HCN1: variants seen among roughly 807,000 people sequenced by gnomAD.
HCN1 encodes hyperpolarization activated cyclic nucleotide gated potassium channel 1.
Under a neutral mutation model 78.9 loss-of-function variants are expected in HCN1, and 13 were observed. The ratio of observed to expected loss-of-function variants is 0.16; its 90% CI spans 0.11 to 0.26. The LOEUF is 0.26. HCN1 is among the 10% of genes least tolerant of loss of function. The pLI is 1.00. For synonymous variants in HCN1, 552 were observed against 455.5 expected (o/e 1.21, Z -2.70); for missense variants, 810 against 1,154.3 (o/e 0.70, Z 4.32).
At chr5:45,274,191 G>A (rs1435954853) in intron 6 of HCN1, among the ~76,000 whole-genome samples, 1 of 151,998 alleles carries the variant, frequency 6.6e-6, no homozygotes, top group Non-Finnish European at 1.5e-5. Context: ...ATTTTACTAA[G>A]GGTATAACTA....
intron 2 of HCN1, among the ~76,000 whole-genome samples, chr5:45,492,417 A>G (rs1229420925): frequency 6.9e-6 from 1 of 145,520 alleles, no homozygotes; most frequent in African/African-American, 2.5e-5. Flanking sequence ...ATATATATAT[A>G]TATATAAAAT....
chr5:45,307,896 G>C (rs1439815050), intron 5 of HCN1, among the ~76,000 whole-genome samples: 2 of 152,122 alleles, frequency 1.3e-5, no homozygotes, highest in African/African-American at 2.4e-5. Context: ...AATTGGATGT[G>C]ATGTACATGG....
intron 3 of HCN1, among the ~76,000 whole-genome samples, chr5:45,422,485 C>T (rs1443219488): frequency 1.3e-5 from 2 of 152,130 alleles, no homozygotes; most frequent in Non-Finnish European, 2.9e-5. Context: ...TAAACCTAAT[C>T]ACCCCTCAAG....
chr5:45,502,002 A>T (rs1010451021), intron 2 of HCN1, among the ~76,000 whole-genome samples: 7 of 152,280 alleles, frequency 4.6e-5, no homozygotes, highest in African/African-American at 1.7e-4. Context: ...TTTAATAATA[A>T]TGTCAATCTC....
chr5:45,545,787 G>A (rs1743210785), intron 2 of HCN1, among the ~76,000 whole-genome samples: 1 of 151,654 alleles, frequency 6.6e-6, no homozygotes, highest in African/African-American at 2.4e-5. Context: ...ACAATATGTG[G>A]GACACTGTTG....
chr5:45,671,752 TA>T (rs1226356360), intron 1 of HCN1, among the ~76,000 whole-genome samples: 1 of 151,602 alleles, frequency 6.6e-6, no homozygotes, highest in African/African-American at 2.4e-5. Flanking sequence ...AATAGTTAAA[TA>T]TTAAGACTGT....
At chr5:45,370,651 A>T (rs1361628658) in intron 4 of HCN1, among the ~76,000 whole-genome samples, 5 of 152,110 alleles carry the variant, frequency 3.3e-5, no homozygotes, top group Admixed American at 3.3e-4. Flanking sequence ...AATATAATTT[A>T]TCATATATGT....
chr5:45,556,966 C>A (rs1743482914), intron 2 of HCN1, among the ~76,000 whole-genome samples: 1 of 151,932 alleles, frequency 6.6e-6, no homozygotes, highest in South Asian at 2.1e-4. Context: ...TTTCCTTCTA[C>A]CTACACATGA....
chr5:45,418,467 C>T (rs1045877572), intron 3 of HCN1, among the ~76,000 whole-genome samples: 5 of 150,080 alleles, frequency 3.3e-5, no homozygotes, highest in Non-Finnish European at 7.5e-5. Context: ...ACAAATAATG[C>T]TGATAGCATT....
chr5:45,296,073 C>T (rs886115759), intron 6 of HCN1, among the ~76,000 whole-genome samples: 1 of 151,904 alleles, frequency 6.6e-6, no homozygotes, highest in Admixed American at 6.6e-5. Flanking sequence ...CCAGTAGCCA[C>T]CCCATGTCAT....
At chr5:45,658,183 A>G (rs1230943482) in intron 1 of HCN1, among the ~76,000 whole-genome samples, 2 of 152,204 alleles carry the variant, frequency 1.3e-5, no homozygotes, top group Non-Finnish European at 2.9e-5. Flanking sequence ...CTGGCTAGCC[A>G]TATGTAGAAA....
At chr5:45,591,593 C>T (rs759130425) in intron 2 of HCN1, among the ~76,000 whole-genome samples, 1 of 152,104 alleles carries the variant, frequency 6.6e-6, no homozygotes, top group Non-Finnish European at 1.5e-5. Flanking sequence ...TTGTTAAGGT[C>T]TTTGGCCCAT....
chr5:45,311,825 C>T (rs1388296338), intron 5 of HCN1, among the ~76,000 whole-genome samples: 1 of 152,144 alleles, frequency 6.6e-6, no homozygotes, highest in East Asian at 1.9e-4. Flanking sequence ...ACACTGGTCG[C>T]CTTGGAACCT....
At chr5:45,388,846 A>G (rs575315687) in intron 4 of HCN1, among the ~76,000 whole-genome samples, 5 of 152,234 alleles carry the variant, frequency 3.3e-5, no homozygotes, top group Admixed American at 1.3e-4. Flanking sequence ...GTATTTTTCA[A>G]TATATAATGG....
At chr5:45,607,595 A>C (rs893776016) in intron 2 of HCN1, among the ~76,000 whole-genome samples, 5 of 146,776 alleles carry the variant, frequency 3.4e-5, no homozygotes, top group Admixed American at 6.9e-5. Flanking sequence ...ATATATATAT[A>C]TCTATAGATA....
intron 2 of HCN1, among the ~76,000 whole-genome samples, chr5:45,580,752 T>C (rs1420832436): frequency 3.3e-5 from 5 of 152,224 alleles, no homozygotes; most frequent in South Asian, 2.1e-4. Context: ...TGTGTTCTCA[T>C]TGTTCAATTC....
chr5:45,573,487 G>T (rs1743875284), intron 2 of HCN1, among the ~76,000 whole-genome samples: 1 of 108,870 alleles, frequency 9.2e-6, no homozygotes, highest in Non-Finnish European at 1.8e-5. Flanking sequence ...CCCGAAAATT[G>T]TTAAAAAAAC....
At chr5:45,343,487 C>T (rs1353324156) in intron 5 of HCN1, among the ~76,000 whole-genome samples, 2 of 152,082 alleles carry the variant, frequency 1.3e-5, no homozygotes, top group African/African-American at 2.4e-5. Flanking sequence ...AGATGTATTA[C>T]TAAAGTTAAT....
chr5:45,556,722 A>G (rs528360298), intron 2 of HCN1, among the ~76,000 whole-genome samples: 61 of 151,872 alleles, frequency 4.0e-4, no homozygotes, highest in Non-Finnish European at 6.2e-4. Flanking sequence ...CAAACTCTCT[A>G]ATGCACTGTT....
Sources: allele counts gnomAD v4.1 joint callset (sites outside exome capture counted in the v4.1 genomes callset), GRCh38; gene constraint gnomAD v4.1.1; transcripts MANE v1.5; gene names NCBI Gene and HGNC (gene_info 2026-07-23, HGNC 2026-07-21).